DLC1: variants seen among roughly 807,000 people sequenced by gnomAD.
The protein encoded by DLC1 is DLC1 Rho GTPase activating protein.
DLC1 carries 54 observed loss-of-function variants against 140.3 expected under a neutral mutation model. The observed-to-expected ratio is 0.38, with a 90% CI of 0.31 to 0.48. The LOEUF (loss-of-function observed/expected upper bound fraction) is 0.48, where lower values mean the gene tolerates loss of function less well. DLC1 is among the 20% of genes least tolerant of loss of function. The probability of loss-of-function intolerance (pLI) is 0.96; values close to 1 mark genes in which losing one functional copy is unlikely to be tolerated. For synonymous variants in DLC1, 986 were observed against 728.1 expected (o/e 1.35, Z -5.70); for missense variants, 2,536 against 1,907.0 (o/e 1.33, Z -6.14).
At chr8:13,382,256 C>T (rs1015070653) in intron 4 of DLC1, among the ~76,000 whole-genome samples, 1 of 151,658 alleles carries the variant, frequency 6.6e-6, no homozygotes. Context: ...GCCTGTAATC[C>T]CAGCACTTTG....
chr8:13,453,190 A>G (rs953633376), intron 2 of DLC1, among the ~76,000 whole-genome samples: 66 of 149,606 alleles, frequency 4.4e-4, no homozygotes, highest in African/African-American at 1.3e-3. Context: ...AATTCTAAAA[A>G]TATATATTTA....
intron 1 of DLC1, among the ~76,000 whole-genome samples, chr8:13,511,117 C>A (rs1392142972): frequency 6.6e-6 from 1 of 152,152 alleles, no homozygotes; most frequent in African/African-American, 2.4e-5. Context: ...TCTAAACCTG[C>A]TGTTTGATCT....
At chr8:13,417,067 C>G (rs993398428) in intron 2 of DLC1, among the ~76,000 whole-genome samples, 1 of 152,008 alleles carries the variant, frequency 6.6e-6, no homozygotes, top group Non-Finnish European at 1.5e-5. Flanking sequence ...CAGTAAACAA[C>G]AGAAATGTGT....
At chr8:13,152,912 A>C (rs989220900) in intron 5 of DLC1, among the ~76,000 whole-genome samples, 5 of 151,878 alleles carry the variant, frequency 3.3e-5, no homozygotes, top group Non-Finnish European at 7.4e-5. Flanking sequence ...AGTTGGTTAG[A>C]AGAATTTAAG....
intron 5 of DLC1, among the ~76,000 whole-genome samples, chr8:13,161,003 C>T (rs1433686513): frequency 6.6e-6 from 1 of 152,160 alleles, no homozygotes; most frequent in Non-Finnish European, 1.5e-5. Context: ...ATGGCACGAA[C>T]CCGGGAGGCA....
chr8:13,375,219 G>T (rs889931012), intron 4 of DLC1, among the ~76,000 whole-genome samples: 2 of 152,008 alleles, frequency 1.3e-5, no homozygotes, highest in Admixed American at 1.3e-4. Context: ...AGTAGAGACG[G>T]GGTTTCACTG....
chr8:13,527,629 T>C (rs1266652681), intron 1 of DLC1, among the ~76,000 whole-genome samples: 2 of 152,198 alleles, frequency 1.3e-5, no homozygotes, highest in Admixed American at 1.3e-4. Context: ...TTAAATCTGT[T>C]GAGTCTTGCT....
intron 4 of DLC1, among the ~76,000 whole-genome samples, chr8:13,362,204 G>A (rs1023053778): frequency 6.6e-6 from 1 of 152,164 alleles, no homozygotes; most frequent in Non-Finnish European, 1.5e-5. Context: ...CTGCAGGGAA[G>A]ATGACCTCGA....
At chr8:13,475,298 T>C (rs1032923658) in intron 2 of DLC1, among the ~76,000 whole-genome samples, 18 of 152,354 alleles carry the variant, frequency 1.2e-4, no homozygotes, top group African/African-American at 3.8e-4. Flanking sequence ...GATATCTTAA[T>C]TATTAAAGTT....
Position 13,401,603 on chromosome 8 carries a change from C to G in DLC1, c.1040G>C (p.Arg347Pro), listed in dbSNP as rs1393009212. 1 of 1,613,162 alleles carries G rather than the reference C, an allele frequency of 6.2e-7. No individual in the cohort carries two copies. Among genetic ancestry groups the G allele is most frequent in the South Asian group, 1.1e-5 (1 of 90,936 alleles). The change falls in exon 3 of 18, where the codon CGA (arginine) becomes CCA (proline). Residue 347 changes from arginine to proline, a missense_variant. Coordinates refer to ENST00000276297, the MANE Select transcript of DLC1 (RefSeq NM_182643.3). The part of the protein sequence containing the change: ...LRKRKEIRED[R>P]DRARLDSMVL... ...CATGGAGTCCAGCCGCGCCCTATCT[C>G]GATCTTCTCTTATTTCCTGAGGAAC...
intron 4 of DLC1, among the ~76,000 whole-genome samples, chr8:13,392,483 T>C (rs1001301153): frequency 6.6e-6 from 1 of 152,208 alleles, no homozygotes; most frequent in Non-Finnish European, 1.5e-5. Flanking sequence ...AAATCTGTCA[T>C]GTTTTAAAAT....
At chr8:13,562,579 G>T (rs1264070756) in intron 1 of DLC1, among the ~76,000 whole-genome samples, 2 of 152,064 alleles carry the variant, frequency 1.3e-5, no homozygotes, top group African/African-American at 2.4e-5. Context: ...TACCCTGCTG[G>T]CCAGGCTTTT....
chr8:13,474,701 G>T (rs761741613), intron 2 of DLC1, among the ~76,000 whole-genome samples: 1 of 152,196 alleles, frequency 6.6e-6, no homozygotes, highest in Middle Eastern at 3.2e-3. Flanking sequence ...ATCTGGATGT[G>T]AGACATACAG....
At chr8:13,417,154 GA>G (rs1838105017) in intron 2 of DLC1, among the ~76,000 whole-genome samples, 1 of 152,078 alleles carries the variant, frequency 6.6e-6, no homozygotes, top group African/African-American at 2.4e-5. Context: ...GGATTTTTAG[GA>G]AGAGAAAAAT....
rs762188262 is a variant in DLC1 at position 13,401,488 on chromosome 8, G to A, written c.1155C>T (p.Asn385=). Residue 385 remains asparagine, a synonymous_variant, in exon 3 of 18, where the codon AAC becomes AAT. Coordinates refer to ENST00000276297, the MANE Select transcript of DLC1 (RefSeq NM_182643.3). ...AGCTCACAGGAACGTGCCGCCGCAGGTTTGTTGGTGTGCCTGATGGAGAGG... is the reference window on the plus strand; with the variant it reads ...AGCTCACAGGAACGTGCCGCCGCAGATTTGTTGGTGTGCCTGATGGAGAGG... ...TSSSPSGTPT[N]LRRHVPDLES... is the part of the protein sequence containing the mutation. 2 of 1,612,540 alleles carry A rather than the reference G, an allele frequency of 1.2e-6. No homozygotes were observed. The highest frequency in any genetic ancestry group is 8.5e-7 in the Non-Finnish European group (1 of 1,179,996).
intron 5 of DLC1, among the ~76,000 whole-genome samples, chr8:13,198,531 C>T (rs28688893): frequency 0.45 from 67,898 of 151,998 alleles, 15,844 homozygotes; most frequent in East Asian, 0.84. Flanking sequence ...AAAAACTTTA[C>T]AAAAAAGTTA....
At chr8:13,185,854 ATC>A (rs1826341527) in intron 5 of DLC1, among the ~76,000 whole-genome samples, 1 of 152,082 alleles carries the variant, frequency 6.6e-6, no homozygotes, top group African/African-American at 2.4e-5. Flanking sequence ...GGTGACAAAA[ATC>A]TCTCAGCATT....
chr8:13,401,469 C>G lies in DLC1; in HGVS notation c.1173+1G>C. ...AAAGAAGTAGAAAGTGGAAAGCTCA[C>G]AGGAACGTGCCGCCGCAGGTTTGTT... On this transcript the variant is annotated splice_donor_variant, in intron 3 of 17. Coordinates refer to ENST00000276297, the MANE Select transcript of DLC1 (RefSeq NM_182643.3). LOFTEE classifies it high-confidence loss of function. The G allele has an allele frequency of 1.9e-6, 3 of 1,612,024 alleles. No individual in the cohort carries two copies. Among genetic ancestry groups the G allele is most frequent in the Non-Finnish European group, 2.5e-6 (3 of 1,179,886 alleles).
At chr8:13,576,410 C>A (rs985317056) in intron 1 of DLC1, among the ~76,000 whole-genome samples, 1 of 152,106 alleles carries the variant, frequency 6.6e-6, no homozygotes, top group Non-Finnish European at 1.5e-5. Context: ...CCAGAAGGAA[C>A]AATTTGCAAC....
Sources: gnomAD v4.1 joint callset for allele counts (sites outside exome capture counted in the v4.1 genomes callset) on GRCh38, gnomAD v4.1.1 for gene constraint, MANE v1.5 for transcripts, NCBI Gene and HGNC (gene_info 2026-07-23, HGNC 2026-07-21) for gene names.